The following SULT1C3 variants were observed in gnomAD, a reference collection of about 807,000 sequenced individuals.
SULT1C3 encodes the protein sulfotransferase family 1C member 3.
Under a neutral mutation model 28.4 loss-of-function variants are expected in SULT1C3, and 31 were observed. That is an observed-to-expected ratio of 1.09 (90% CI 0.82 to 1.47). The LOEUF (loss-of-function observed/expected upper bound fraction) is 1.47, where lower values mean the gene tolerates loss of function less well. SULT1C3 is among the 40% of genes most tolerant of loss of function. The pLI is 0.00. For synonymous variants in SULT1C3, 106 were observed against 92.2 expected, an observed-to-expected ratio of 1.15 and a Z score of -0.86; for missense variants, 307 against 272.5, an observed-to-expected ratio of 1.13 and a Z score of -0.89.
At chr2:108,264,681 G>C, downstream of SULT1C3, 1 of 805,414 alleles carries the variant, frequency 1.2e-6, no homozygotes, top group Non-Finnish European at 1.9e-6. Context: ...ACAGTGTCTG[G>C]CACTAGGAGT....
At chr2:108,263,914 CT>C (rs1372948282), downstream of SULT1C3, among the ~76,000 whole-genome samples, 1 of 152,180 alleles carries the variant, frequency 6.6e-6, no homozygotes, top group African/African-American at 2.4e-5. Context: ...CTGTTGGCTC[CT>C]GGCACTTGTA....
chr2:108,251,272 A>G (rs12616140), intron 2 of SULT1C3, among the ~76,000 whole-genome samples: 39,914 of 151,834 alleles, frequency 0.26, 6,118 homozygotes, highest in East Asian at 0.7. Context: ...GCAATTTGAA[A>G]CCCACAATAA....
intron 1 of SULT1C3, among the ~76,000 whole-genome samples, chr2:108,242,478 A>T (rs1196241720): frequency 6.6e-6 from 1 of 152,148 alleles, no homozygotes; most frequent in Non-Finnish European, 1.5e-5. Context: ...ATCCCCCCAT[A>T]GAAGTCTTAT....
rs80119374 is a variant in SULT1C3 at position 108,248,693 on chromosome 2, T to C, written c.172+1327T>C. 8.8e-4 allele frequency among the ~76,000 whole-genome samples: 134 copies of C among 152,208 alleles called. 4 individuals are homozygous for C. The East Asian group carries it at 0.022, about 25-fold the overall frequency. ...CTATTAGCCATATAATTCCTAGAGA[T>C]TATACAAGCATGAGAGACTTTTGTG... is the stretch of plus-strand genomic sequence containing the variant. On this transcript the variant is annotated intron_variant, in intron 2 of 7. Transcript: ENST00000681802.
At chr2:108,254,722 T>C (rs1048269915) in intron 4 of SULT1C3, among the ~76,000 whole-genome samples, 3 of 145,454 alleles carry the variant, frequency 2.1e-5, no homozygotes, top group African/African-American at 8.0e-5. Context: ...TGTATGTATA[T>C]ATATGTATAT....
At chr2:108,244,913 A>T (rs1675542290) in intron 1 of SULT1C3, among the ~76,000 whole-genome samples, 2 of 152,226 alleles carry the variant, frequency 1.3e-5, no homozygotes, top group Admixed American at 1.3e-4. Context: ...CTTGTGCAAA[A>T]GAAAATAAGC....
chr2:108,252,854 AAGG>A (rs1045640842), intron 3 of SULT1C3, among the ~76,000 whole-genome samples: 6 of 152,056 alleles, frequency 3.9e-5, no homozygotes, highest in East Asian at 1.9e-4. Context: ...TCTGAAGAAA[AAGG>A]AGGAGAAGTA....
chr2:108,255,130 C>G (rs1364865263), intron 4 of SULT1C3, among the ~76,000 whole-genome samples: 1 of 152,004 alleles, frequency 6.6e-6, no homozygotes, highest in Non-Finnish European at 1.5e-5. Context: ...TTCTCACTCT[C>G]TAGTATTTCC....
At chr2:108,240,677 A>G (rs1675443569) in intron 1 of SULT1C3, among the ~76,000 whole-genome samples, 1 of 152,210 alleles carries the variant, frequency 6.6e-6, no homozygotes, top group Admixed American at 6.5e-5. Flanking sequence ...TGTAGGAGAT[A>G]CCACTTGATT....
intron 1 of SULT1C3, among the ~76,000 whole-genome samples, chr2:108,241,007 C>T (rs543966033): frequency 1.3e-5 from 2 of 152,278 alleles, no homozygotes; most frequent in African/African-American, 4.8e-5. Context: ...AGCCATGGTT[C>T]GTATCCTCCA....
At chr2:108,254,799 G>GCATATACA (rs1558664939) in intron 4 of SULT1C3, among the ~76,000 whole-genome samples, 16 of 147,894 alleles carry the variant, frequency 1.1e-4, no homozygotes, top group African/African-American at 4.0e-4. Context: ...ATGTATGTAT[G>GCATATACA]CATATATATG....
At position 108,258,743 on chromosome 2, in the gene SULT1C3, G is replaced by A. The variant is rs368187394; in HGVS notation, c.536G>A (p.Gly179Glu). ...CTCTGACTTCTTCCAGTTGTTGGCG[G>A]GTCCTGGTTTGACCATGTGAAAGGA... ...EKFMSGKVVGGSWFDHVKGWW... is the reference protein window; with the variant it reads ...EKFMSGKVVGESWFDHVKGWW... Residue 179 changes from glycine to glutamate, a missense_variant, in exon 6 of 8, where the codon GGG becomes GAG. Transcript: ENST00000681802. 8.1e-6 allele frequency: 13 copies of A among 1,611,958 alleles called. No homozygotes were observed. The African/African-American group carries it at 1.7e-4, about 22-fold the overall frequency.
intron 5 of SULT1C3, among the ~76,000 whole-genome samples, chr2:108,257,918 A>G (rs1025046319): frequency 5.3e-5 from 8 of 152,204 alleles, no homozygotes; most frequent in Admixed American, 1.3e-4. Flanking sequence ...ACCATGACAC[A>G]TGCCAAAGTT....
chr2:108,259,183 A>G (rs1199280939), intron 7 of SULT1C3, 37 bp downstream of exon 7: 1 of 285,884 alleles, frequency 3.5e-6, no homozygotes. Context: ...GAACTCTAAA[A>G]AATTTTCTAC....
chr2:108,255,443 T>C, intron 4 of SULT1C3, 129 bp from the exon 5 acceptor site: 1 of 1,115,456 alleles, frequency 9.0e-7, no homozygotes, highest in Non-Finnish European at 1.2e-6. Flanking sequence ...AATGTTTTAA[T>C]TCATAACTAA....
At chr2:108,250,709 G>C (rs1675707461) in intron 2 of SULT1C3, among the ~76,000 whole-genome samples, 1 of 151,786 alleles carries the variant, frequency 6.6e-6, no homozygotes. Context: ...CAATTGAACT[G>C]TTCTCAGCAA....
At chr2:108,263,750 C>T (rs1295386680), downstream of SULT1C3, among the ~76,000 whole-genome samples, 1 of 152,162 alleles carries the variant, frequency 6.6e-6, no homozygotes. Flanking sequence ...GCAGAAGAGC[C>T]TTCAGTGCAA....
chr2:108,255,830 G>A, intron 5 of SULT1C3, 132 bp downstream of exon 5: 1 of 1,138,884 alleles, frequency 8.8e-7, no homozygotes. Flanking sequence ...TCTGGGACTG[G>A]AGAAGCCAGG....
intron 5 of SULT1C3, 47 bp downstream of exon 5, chr2:108,255,745 A>C (rs1675853061): frequency 6.3e-7 from 1 of 1,587,542 alleles, no homozygotes; most frequent in Non-Finnish European, 8.6e-7. Flanking sequence ...GGTGACTCTA[A>C]CAATAAGCAC....
Sources: allele counts gnomAD v4.1 joint callset (sites outside exome capture counted in the v4.1 genomes callset), GRCh38; gene constraint gnomAD v4.1.1; transcripts MANE v1.5; gene names NCBI Gene and HGNC (gene_info 2026-07-23, HGNC 2026-07-21).